The following SNAP47 variants were observed in gnomAD, a reference collection of about 807,000 sequenced individuals.
SNAP47 encodes the protein synaptosome associated protein 47.
A neutral mutation model predicts 31.4 loss-of-function variants in SNAP47; 20 were observed. The ratio of observed to expected loss-of-function variants is 0.64; its 90% CI spans 0.45 to 0.93. The LOEUF is 0.93. Ranked by LOEUF, SNAP47 falls within the 40% of genes least tolerant of loss-of-function variation. The pLI is 0.00. For synonymous variants in SNAP47, 194 were observed against 213.4 expected, an observed-to-expected ratio of 0.91 and a Z score of 0.79; for missense variants, 492 against 528.5, an observed-to-expected ratio of 0.93 and a Z score of 0.68.
intron 2 of SNAP47, 66 bp from the exon 3 acceptor site, chr1:227,758,929 A>G (rs1662862924): frequency 1.3e-6 from 2 of 1,515,232 alleles, no homozygotes; most frequent in Non-Finnish European, 8.8e-7. Context: ...CCGTTTTCCA[A>G]AAAAAAAGGT....
intron 2 of SNAP47, 145 bp downstream of exon 2, chr1:227,748,378 C>T (rs1662119479): frequency 1.1e-6 from 1 of 904,300 alleles, no homozygotes; most frequent in Non-Finnish European, 1.6e-6. Flanking sequence ...GCTGTACATG[C>T]TTAGTGGGTA....
chr1:227,754,791 T>C (rs1420449132), intron 2 of SNAP47, among the ~76,000 whole-genome samples: 2 of 152,158 alleles, frequency 1.3e-5, no homozygotes, highest in African/African-American at 4.8e-5. Flanking sequence ...TTGAGAGGAC[T>C]AAAACCAGGA....
At chr1:227,733,676 G>A (rs1048352049), upstream of SNAP47, 30 of 1,600,088 alleles carry the variant, frequency 1.9e-5, no homozygotes, top group African/African-American at 6.7e-5. Flanking sequence ...AGCATGGAAC[G>A]GGGACCTGCG....
At position 227,780,603 on chromosome 1, in the gene SNAP47, T is replaced by C; in HGVS notation, c.1190T>C (p.Val397Ala). Residue 397 changes from valine (V) to alanine (A), a missense_variant, in exon 5 of 5, where the codon GTT becomes GCT. By Grantham distance (64) the Val-to-Ala change is moderately conservative. Transcript: ENST00000617596. ...AGACAAGACGAAGCCCTGGATGGCG[T>C]TGCAGCAGCTGTGGACAGGGCAACC... ...LERQDEALDG[V>A]AAAVDRATLT... is the part of the protein sequence containing the mutation. 1 of 1,614,154 alleles carries C rather than the reference T, an allele frequency of 6.2e-7. No homozygotes were observed. The highest frequency in any genetic ancestry group is 1.1e-5 in the South Asian group (1 of 91,082).
At chr1:227,748,417 C>T (rs1250065714) in intron 2 of SNAP47, among the ~76,000 whole-genome samples, 184 bp downstream of exon 2, 2 of 152,204 alleles carry the variant, frequency 1.3e-5, no homozygotes, top group African/African-American at 4.8e-5. Flanking sequence ...ACTCGGAAAG[C>T]GAGGCTGTGA....
Position 227,747,844 on chromosome 1 carries a change from C to T in SNAP47, c.108C>T (p.Phe36=), listed in dbSNP as rs761635991. Reference sequence around the variant, plus strand: ...CCTTAACATCGCTGTCGCTCAGGTTCATGACTGACAGCACTGGAGAGATTC... The same window carrying T: ...CCTTAACATCGCTGTCGCTCAGGTTTATGACTGACAGCACTGGAGAGATTC... ...QLSLTSLSLR[F]MTDSTGEILV... The change falls in exon 2 of 5, where the codon TTC becomes TTT. Residue 36 remains phenylalanine (F), a synonymous_variant. Transcript: ENST00000617596. The T allele has an allele frequency of 1.9e-6, 3 of 1,614,080 alleles. No individual in the cohort carries two copies. The highest frequency in any genetic ancestry group is 2.5e-6 in the Non-Finnish European group (3 of 1,180,036).
At chr1:227,740,955 T>G (rs1358177166) in intron 1 of SNAP47, among the ~76,000 whole-genome samples, 1 of 145,840 alleles carries the variant, frequency 6.9e-6, no homozygotes, top group Non-Finnish European at 1.5e-5. Flanking sequence ...GCCCAGCGGG[T>G]GACAGGAGGG....
intron 1 of SNAP47, 69 bp downstream of exon 1, chr1:227,735,568 T>C (rs1661073546): frequency 7.4e-7 from 1 of 1,343,586 alleles, no homozygotes; most frequent in South Asian, 2.0e-5. Flanking sequence ...CTCGGCTCAG[T>C]CCGCGCGCTG....
intron 2 of SNAP47, 60 bp downstream of exon 2, chr1:227,748,293 G>A: frequency 1.4e-6 from 2 of 1,457,982 alleles, no homozygotes; most frequent in Admixed American, 2.7e-5. Flanking sequence ...ATGTGTGGAG[G>A]CTCACAGGCA....
In SNAP47 at chr1:227,735,474, T is replaced by C. The variant is rs750610209; in HGVS notation, c.-71T>C. 4.2e-6 allele frequency: 6 copies of C among 1,430,006 alleles called. No individual in the cohort carries two copies. Among genetic ancestry groups the C allele is most frequent in the Admixed American group, 3.0e-5 (1 of 33,444 alleles). The allele number at this position is 1,430,006 out of a possible 1,614,324, so 88.6% of individuals were successfully genotyped here. Reference sequence around the variant, plus strand: ...GAGCGGCCGAGGCGCCGCGGTCGGCTCTGGGACTCGTCTGGCGTCCCTCAG... The same window carrying C: ...GAGCGGCCGAGGCGCCGCGGTCGGCCCTGGGACTCGTCTGGCGTCCCTCAG... On this transcript the variant is annotated 5_prime_UTR_variant, in exon 1 of 5. Coordinates refer to ENST00000617596, the MANE Select transcript of SNAP47 (RefSeq NM_053052.4).
intron 4 of SNAP47, among the ~76,000 whole-genome samples, chr1:227,777,726 A>G (rs79110599): frequency 0.012 from 1,901 of 152,286 alleles, 58 homozygotes; most frequent in African/African-American, 0.044. Flanking sequence ...CAGCTTATTC[A>G]GCTACTCTTA....
Position 227,741,042 on chromosome 1 carries a change from T to G in SNAP47, c.-46+5543T>G, listed in dbSNP as rs375423623. The stretch of plus-strand genomic sequence containing the variant: ...ATAGGGGAGGGCCTGTGAAGTTGGG[T>G]TGCCCGTTAGGGATGGGGGCAGATA... On this transcript the variant is annotated intron_variant, in intron 1 of 4. Coordinates refer to ENST00000617596, the MANE Select transcript of SNAP47 (RefSeq NM_053052.4). The surrounding 1 kb of genome is among the most constrained non-coding windows in gnomAD (Gnocchi z 4.2). Among the ~76,000 whole-genome samples, 5 of 143,162 alleles carry G rather than the reference T, an allele frequency of 3.5e-5. No individual in the cohort carries two copies. Among genetic ancestry groups the G allele is most frequent in the African/African-American group, 1.4e-4 (5 of 35,878 alleles). The allele number at this position is 143,162 out of a possible 152,430, so 93.9% of individuals were successfully genotyped here.
rs553543161 is a variant in SNAP47 at position 227,763,102 on chromosome 1, A to T, written c.988+3617A>T. ...CTCTCAAGTAGCTGGGACTATAGGC[A>T]CATATCACCATGCCCAGCTAATTTT... is the stretch of plus-strand genomic sequence containing the variant. On this transcript the variant is annotated intron_variant, in intron 3 of 4. Transcript: ENST00000617596. The surrounding 1 kb of genome is among the most constrained non-coding windows in gnomAD (Gnocchi z 4.2). 1.3e-5 allele frequency among the ~76,000 whole-genome samples: 2 copies of T among 151,660 alleles called. No individual in the cohort carries two copies. Among genetic ancestry groups the T allele is most frequent in the Non-Finnish European group, 2.9e-5 (2 of 67,950 alleles).
intron 4 of SNAP47, chr1:227,776,308 C>CT: frequency 1.0e-6 from 1 of 990,510 alleles, no homozygotes; most frequent in Non-Finnish European, 1.2e-6. Context: ...ACTCCTTGCT[C>CT]TATTTCTTTG....
upstream of SNAP47, chr1:227,728,402 A>G (rs60987109): frequency 0.013 from 1,938 of 151,814 alleles, 35 homozygotes; most frequent in African/African-American, 0.045. Context: ...GGGAAGCCCC[A>G]GGGTCGTCCT....
chr1:227,734,861 C>T, upstream of SNAP47: 6 of 1,609,770 alleles, frequency 3.7e-6, no homozygotes, highest in Non-Finnish European at 4.2e-6. Flanking sequence ...GGGCCCCGTC[C>T]TCACTCCAAA....
intron 4 of SNAP47, among the ~76,000 whole-genome samples, chr1:227,777,694 T>C (rs1255031562): frequency 1.3e-5 from 2 of 152,336 alleles, no homozygotes; most frequent in East Asian, 3.9e-4. Flanking sequence ...AACATCTGGG[T>C]CAGGGTTAGA....
At chr1:227,733,933 A>G, upstream of SNAP47, 2 of 1,613,900 alleles carry the variant, frequency 1.2e-6, no homozygotes, top group South Asian at 1.1e-5. Flanking sequence ...CCGCGTAGAC[A>G]AAGCGGTAGT....
Position 227,738,836 on chromosome 1 carries a change from T to C in SNAP47, c.-46+3337T>C, listed in dbSNP as rs911208228. On this transcript the variant is annotated intron_variant, in intron 1 of 4. Coordinates refer to ENST00000617596, the MANE Select transcript of SNAP47 (RefSeq NM_053052.4). ...ATTGCCTGGAAGGAGTTCCTGCAGC[T>C]CCGTGGTTGAGCCTGTTTCCTAAGA... Among the ~76,000 whole-genome samples, 7 of 152,182 alleles carry C rather than the reference T, an allele frequency of 4.6e-5. No individual in the cohort carries two copies. The South Asian group carries it at 1.4e-3, about 31-fold the overall frequency.
Sources: gnomAD v4.1 joint callset for allele counts (sites outside exome capture counted in the v4.1 genomes callset) on GRCh38, gnomAD v4.1.1 for gene constraint, Gnocchi (gnomAD v3.1) non-coding constraint, MANE v1.5 for transcripts, NCBI Gene and HGNC (gene_info 2026-07-23, HGNC 2026-07-21) for gene names.